OPCML: variants seen among roughly 807,000 people sequenced by gnomAD.
OPCML encodes the protein opioid binding protein/cell adhesion molecule like, also known as opioid-binding protein/cell adhesion molecule.
Under a neutral mutation model 37.8 loss-of-function variants are expected in OPCML, and 13 were observed. The ratio of observed to expected loss-of-function variants is 0.34; its 90% CI spans 0.22 to 0.55. The LOEUF (loss-of-function observed/expected upper bound fraction) is 0.55, where lower values mean the gene tolerates loss of function less well. Among genes scored for constraint, OPCML ranks in the 20% least tolerant of loss-of-function variants. The pLI is 0.91. For missense variants in OPCML, 341 were observed against 435.6 expected (o/e 0.78, Z 1.93); for synonymous variants, 176 against 168.8 (o/e 1.04, Z -0.33).
chr11:133,007,395 T>C (rs1350688856), intron 1 of OPCML: 1 of 985,360 alleles, frequency 1.0e-6, no homozygotes, highest in Non-Finnish European at 1.2e-6. Context: ...TTGGTGCTTA[T>C]CGCCCCATTA....
chr11:133,217,840 C>A (rs997378485), intron 1 of OPCML, among the ~76,000 whole-genome samples: 1 of 152,104 alleles, frequency 6.6e-6, no homozygotes, highest in South Asian at 2.1e-4. Flanking sequence ...ATTACTTGAG[C>A]CCAGGGCAGC....
chr11:133,085,692 A>T (rs547342511), intron 1 of OPCML, among the ~76,000 whole-genome samples: 1 of 152,382 alleles, frequency 6.6e-6, no homozygotes, highest in Admixed American at 6.5e-5. Flanking sequence ...AAGATCTTAC[A>T]GACCAAAAGA....
intron 4 of OPCML, among the ~76,000 whole-genome samples, chr11:132,497,123 C>G (rs938518141): frequency 3.9e-5 from 6 of 152,070 alleles, no homozygotes; most frequent in Non-Finnish European, 7.4e-5. Context: ...CCATTATCCT[C>G]AGAAACGAAC....
At chr11:132,663,462 TA>T (rs1942075575) in intron 2 of OPCML, among the ~76,000 whole-genome samples, 1 of 152,258 alleles carries the variant, frequency 6.6e-6, no homozygotes, top group Admixed American at 6.5e-5. Flanking sequence ...TTTTCATTTC[TA>T]TTGTAATTGG....
At chr11:132,766,701 A>G (rs1195581943) in intron 2 of OPCML, among the ~76,000 whole-genome samples, 1 of 152,138 alleles carries the variant, frequency 6.6e-6, no homozygotes, top group Non-Finnish European at 1.5e-5. Flanking sequence ...CAAACATTTC[A>G]GACCATGGCA....
intron 1 of OPCML, chr11:133,024,978 A>AACAC: frequency 2.0e-6 from 2 of 985,430 alleles, no homozygotes; most frequent in Non-Finnish European, 2.4e-6. Flanking sequence ...TCTGCATTTT[A>AACAC]ACACACTGCC....
chr11:132,717,882 G>A (rs1280766326), intron 2 of OPCML, among the ~76,000 whole-genome samples: 1 of 152,202 alleles, frequency 6.6e-6, no homozygotes, highest in Non-Finnish European at 1.5e-5. Context: ...TGGAGGCAAG[G>A]ACAGCATTCG....
intron 1 of OPCML, among the ~76,000 whole-genome samples, chr11:133,448,174 C>A (rs1216510512): frequency 6.6e-6 from 1 of 152,152 alleles, no homozygotes; most frequent in Non-Finnish European, 1.5e-5. Flanking sequence ...TTTTAACTTG[C>A]ATTTAAATCT....
chr11:133,532,482 AGCAG>A lies in OPCML; in HGVS notation c.-162_-159del. ...AGAGAGAGAGCGCGCGAGAGATGGG[AGCAG>A]GCAGGCAGCGTCTCTGATTTCTTTT... On this transcript the variant is annotated 5_prime_UTR_variant, in exon 1 of 8. Coordinates refer to ENST00000524381, the MANE Select transcript of OPCML (RefSeq NM_001012393.5). The A allele has an allele frequency of 2.5e-6, 2 of 796,394 alleles. No homozygotes were observed. The highest frequency in any genetic ancestry group is 4.1e-6 in the Non-Finnish European group (2 of 483,584). 49.3% of individuals were successfully genotyped at this position (796,394 alleles called of 1,614,324 possible). A position where few individuals can be genotyped will look rare whatever the true frequency, so the allele number is the denominator to read the frequency against.
intron 2 of OPCML, among the ~76,000 whole-genome samples, chr11:132,777,116 T>C (rs1324305110): frequency 2.0e-5 from 3 of 152,210 alleles, no homozygotes; most frequent in African/African-American, 7.2e-5. Flanking sequence ...GGGGCTCCAC[T>C]TTCTTAACTT....
At chr11:133,336,669 G>C (rs1218707665) in intron 1 of OPCML, among the ~76,000 whole-genome samples, 1 of 152,170 alleles carries the variant, frequency 6.6e-6, no homozygotes, top group African/African-American at 2.4e-5. Context: ...ATTTCACTTG[G>C]AGTGAGAGGA....
Position 133,014,616 on chromosome 11 carries a change from G to T in OPCML, c.62-71606C>A, listed in dbSNP as rs191704070. On this transcript the variant is annotated intron_variant, in intron 1 of 7. Coordinates refer to ENST00000524381, the MANE Select transcript of OPCML (RefSeq NM_001012393.5). ...GGAGACAGTCCTTTGCCTTCATTCG[G>T]TGATGCATTCAATGTCCTCCTACAG... Among the ~76,000 whole-genome samples, 1,029 of 152,278 alleles carry T rather than the reference G, an allele frequency of 6.8e-3. 10 individuals carry two copies. Among genetic ancestry groups the T allele is most frequent in the African/African-American group, 0.024 (992 of 41,540 alleles).
chr11:132,658,171 G>A (rs1333726370), intron 2 of OPCML, among the ~76,000 whole-genome samples: 2 of 152,208 alleles, frequency 1.3e-5, no homozygotes, highest in African/African-American at 4.8e-5. Flanking sequence ...ACGTGGGAAT[G>A]GAAGCATGAG....
intron 3 of OPCML, among the ~76,000 whole-genome samples, chr11:132,559,725 A>T (rs951920341): frequency 2.0e-4 from 31 of 152,180 alleles, no homozygotes; most frequent in Non-Finnish European, 4.0e-4. Context: ...TCAAGAAGAT[A>T]AGACGAAAAG....
intron 1 of OPCML, among the ~76,000 whole-genome samples, chr11:132,951,618 C>A (rs2336590): frequency 0.93 from 141,576 of 152,286 alleles, 65,823 homozygotes; most frequent in East Asian, 0.99. Flanking sequence ...CCTGGCACTC[C>A]CTAAGTCCAT....
intron 2 of OPCML, among the ~76,000 whole-genome samples, chr11:132,716,366 TTGTC>T (rs550240126): frequency 1.2e-3 from 185 of 152,062 alleles, no homozygotes; most frequent in African/African-American, 3.8e-3. Flanking sequence ...TATCTATCTG[TTGTC>T]TGTCTGTCTA....
In OPCML at chr11:132,688,609, T is replaced by C. The variant is rs562611686; in HGVS notation, c.147-31290A>G. 4.6e-5 allele frequency among the ~76,000 whole-genome samples: 7 copies of C among 152,292 alleles called. No individual in the cohort carries two copies. The East Asian group carries it at 1.4e-3, about 29-fold the overall frequency. ...GATGGTATCACTGTTTTTGATGGAA[T>C]TGGTACTGGATAACCTTACATTAAG... On this transcript the variant is annotated intron_variant, in intron 2 of 7. Transcript: ENST00000524381.
At chr11:132,634,461 G>T (rs1458647517) in intron 3 of OPCML, among the ~76,000 whole-genome samples, 1 of 152,134 alleles carries the variant, frequency 6.6e-6, no homozygotes, top group Non-Finnish European at 1.5e-5. Flanking sequence ...AATAAAATAA[G>T]GCAAAGGGGG....
intron 1 of OPCML, among the ~76,000 whole-genome samples, chr11:133,524,942 T>A (rs939334874): frequency 2.6e-5 from 4 of 152,224 alleles, no homozygotes; most frequent in Non-Finnish European, 5.9e-5. Flanking sequence ...CAGTGTTTAT[T>A]TATTCATTCA....
Sources: allele counts gnomAD v4.1 joint callset (sites outside exome capture counted in the v4.1 genomes callset), GRCh38; gene constraint gnomAD v4.1.1; transcripts MANE v1.5; gene names NCBI Gene and HGNC (gene_info 2026-07-23, HGNC 2026-07-21).